The following PKHD1 variants were observed in gnomAD, a reference collection of about 807,000 sequenced individuals.
PKHD1 encodes fibrocystin.
In PKHD1, 291 loss-of-function variants were observed where a neutral mutation model predicts 412.0. That is an observed-to-expected ratio of 0.71 (90% CI 0.64 to 0.78). The LOEUF is 0.78. Among genes scored for constraint, PKHD1 ranks in the 30% least tolerant of loss-of-function variants. The pLI is 0.00. For synonymous variants in PKHD1, 1,777 were observed against 1,821.5 expected, an observed-to-expected ratio of 0.98 and a Z score of 0.62; for missense variants, 4,825 against 4,950.7, an observed-to-expected ratio of 0.97 and a Z score of 0.76.
intron 3 of PKHD1, 145 bp downstream of exon 3, chr6:52,083,033 A>G (rs1284389964): frequency 5.8e-6 from 4 of 689,882 alleles, no homozygotes. Context: ...GTATCTAGAA[A>G]GACAGAAGTT....
At chr6:51,721,223 C>T (rs1781887608) in intron 60 of PKHD1, 4 of 950,432 alleles carry the variant, frequency 4.2e-6, no homozygotes, top group Admixed American at 6.2e-5. Context: ...AAAATTGCAA[C>T]CTCCAGCATA....
intron 37 of PKHD1, among the ~76,000 whole-genome samples, chr6:51,913,877 G>A (rs1423315561): frequency 6.6e-6 from 1 of 151,902 alleles, no homozygotes; most frequent in Non-Finnish European, 1.5e-5. Context: ...CTAATTATAA[G>A]GCAGGTGAAA....
intron 36 of PKHD1, among the ~76,000 whole-genome samples, chr6:51,937,822 A>T (rs1787762973): frequency 6.6e-6 from 1 of 152,106 alleles, no homozygotes; most frequent in African/African-American, 2.4e-5. Context: ...ACACCTATTC[A>T]ACCCTTAATG....
At chr6:51,946,495 A>G (rs1243772253) in intron 36 of PKHD1, among the ~76,000 whole-genome samples, 1 of 152,252 alleles carries the variant, frequency 6.6e-6, no homozygotes, top group African/African-American at 2.4e-5. Flanking sequence ...TTAGTTTAAA[A>G]TAAATATACA....
rs149932051 is a variant in PKHD1 at position 51,654,429 on chromosome 6, C to G, written c.11174+4523G>C. ...CCATATGATATTTTGAACATAATAG[C>G]TGTTCGGTTAACACTGGGGAATAAA... is the stretch of plus-strand genomic sequence containing the variant. On this transcript the variant is annotated intron_variant, in intron 61 of 66. Transcript: ENST00000371117. Among the ~76,000 whole-genome samples the G allele has an allele frequency of 2.2e-3, 330 of 152,112 alleles. 1 individual carries two copies. The highest frequency in any genetic ancestry group is 7.7e-3 in the African/African-American group (321 of 41,522).
chr6:51,619,477 G>A lies in PKHD1; in HGVS notation c.11829C>T (p.Pro3943=). The A allele has an allele frequency of 6.2e-7, 1 of 1,614,106 alleles. No homozygotes were observed. Among genetic ancestry groups the A allele is most frequent in the South Asian group, 1.1e-5 (1 of 91,070 alleles). ...TGGACACTCCATTCATCAACTGGTGGGGGCACTGGTTCACCTTGCCCAGCA... is the reference window on the plus strand; with the variant it reads ...TGGACACTCCATTCATCAACTGGTGAGGGCACTGGTTCACCTTGCCCAGCA... The part of the protein sequence containing the change: ...KVMLGKVNQC[P]HQLMNGVSRR... The change falls in exon 67 of 67, where the codon CCC becomes CCT. Residue 3943 remains proline, a synonymous_variant. Coordinates refer to ENST00000371117, the MANE Select transcript of PKHD1 (RefSeq NM_138694.4).
chr6:51,931,972 A>G (rs1469367084), intron 37 of PKHD1, among the ~76,000 whole-genome samples: 1 of 151,606 alleles, frequency 6.6e-6, no homozygotes, highest in Non-Finnish European at 1.5e-5. Context: ...GAGAGGAGGG[A>G]GAAGGAGAAT....
intron 35 of PKHD1, among the ~76,000 whole-genome samples, chr6:51,982,847 AAAAAAATAAAAAT>A (rs1336410845): frequency 1.9e-5 from 1 of 53,302 alleles, no homozygotes; most frequent in African/African-American, 3.5e-5. Context: ...ATAAAAAAAT[AAAAAAATAAAAAT>A]AAAATAAAAT....
chr6:51,919,841 C>T (rs1583371020), intron 37 of PKHD1, among the ~76,000 whole-genome samples: 1 of 152,282 alleles, frequency 6.6e-6, no homozygotes, highest in South Asian at 2.1e-4. Flanking sequence ...TGAAGAGGTC[C>T]TTCACATCCC....
chr6:51,750,433 G>A (rs1011326222), intron 57 of PKHD1, among the ~76,000 whole-genome samples: 1 of 152,240 alleles, frequency 6.6e-6, no homozygotes, highest in East Asian at 1.9e-4. Context: ...TAGAATCTCT[G>A]TCAAGGCAAC....
intron 60 of PKHD1, among the ~76,000 whole-genome samples, chr6:51,714,158 T>A (rs540271258): frequency 1.8e-4 from 27 of 152,020 alleles, no homozygotes; most frequent in Non-Finnish European, 3.1e-4. Context: ...AATCACGAGA[T>A]CAGGAGTTCG....
In PKHD1 at chr6:52,065,176, G is replaced by T. The variant is rs1374945477; in HGVS notation, c.881-126C>A. ...ATATATATATATATATATAGAGAGAGAGAGAGAGAGAGAGAGAGAGACAGA... is the reference window on the plus strand; with the variant it reads ...ATATATATATATATATATAGAGAGATAGAGAGAGAGAGAGAGAGAGACAGA... On this transcript the variant is annotated intron_variant, in intron 12 of 66. Transcript: ENST00000371117. The T allele has an allele frequency of 7.0e-4, 104 of 149,144 alleles. 3 individuals carry two copies. The highest frequency in any genetic ancestry group is 1.7e-3 in the South Asian group (7 of 4,196). 9.2% of individuals were successfully genotyped at this position (149,144 alleles called of 1,614,324 possible).
chr6:51,803,811 A>G lies in PKHD1; in HGVS notation c.8303-12438T>C, dbSNP rs927480494. Among the ~76,000 whole-genome samples, 31 of 151,338 alleles carry G rather than the reference A, an allele frequency of 2.0e-4. 1 individual carries two copies. Among genetic ancestry groups the G allele is most frequent in the African/African-American group, 6.9e-4 (28 of 40,712 alleles). On this transcript the variant is annotated intron_variant, in intron 52 of 66. Transcript: ENST00000371117. ...AATCTCCGCCACCTGGGTTCAAGCA[A>G]TTCTCTTGCCTCAGCTTCCCTAGTA...
chr6:51,707,177 T>TA, intron 60 of PKHD1, among the ~76,000 whole-genome samples: 1 of 152,166 alleles, frequency 6.6e-6, no homozygotes, highest in Admixed American at 6.5e-5. Context: ...ATTTCCAAAT[T>TA]AAAAATGTGA....
rs528903720 is a variant in PKHD1 at position 51,674,802 on chromosome 6, C to T, written c.10157-14833G>A. 9.9e-5 allele frequency among the ~76,000 whole-genome samples: 15 copies of T among 152,240 alleles called. No homozygotes were observed. In the East Asian group the frequency reaches 2.3e-3, roughly 24 times the overall value. ...TGTCAAATCACATATTTGCAAGAGT[C>T]CATTTGCTGTGTTATGTCTTCATTT... On this transcript the variant is annotated intron_variant, in intron 60 of 66. Coordinates refer to ENST00000371117, the MANE Select transcript of PKHD1 (RefSeq NM_138694.4).
chr6:52,035,383 G>A (rs1414020127), intron 28 of PKHD1, among the ~76,000 whole-genome samples: 1 of 152,170 alleles, frequency 6.6e-6, no homozygotes, highest in Non-Finnish European at 1.5e-5. Context: ...TTCTTTTTAA[G>A]AAATTAATTG....
At chr6:51,639,855 A>C (rs564574954) in intron 63 of PKHD1, among the ~76,000 whole-genome samples, 4 of 152,356 alleles carry the variant, frequency 2.6e-5, no homozygotes, top group African/African-American at 9.6e-5. Context: ...GAAATGTGTC[A>C]TAAAGATACA....
chr6:51,623,606 T>C (rs1444913327), intron 66 of PKHD1, among the ~76,000 whole-genome samples: 2 of 152,118 alleles, frequency 1.3e-5, no homozygotes, highest in Non-Finnish European at 2.9e-5. Context: ...TTTTTTGAGA[T>C]GGAGTCTCGC....
chr6:51,846,356 T>C (rs1475822609), intron 50 of PKHD1, among the ~76,000 whole-genome samples: 1 of 152,184 alleles, frequency 6.6e-6, no homozygotes, highest in Non-Finnish European at 1.5e-5. Flanking sequence ...GCCCTCTAAA[T>C]CCATGGCCAC....
Sources: gnomAD v4.1 joint callset for allele counts (sites outside exome capture counted in the v4.1 genomes callset) on GRCh38, gnomAD v4.1.1 for gene constraint, MANE v1.5 for transcripts, NCBI Gene and HGNC (gene_info 2026-07-23, HGNC 2026-07-21) for gene names.